The following DEF6 variants were observed in gnomAD, a reference collection of about 807,000 sequenced individuals.
DEF6 encodes DEF6 guanine nucleotide exchange factor.
In DEF6, 32 loss-of-function variants were observed where a neutral mutation model predicts 80.5. The ratio of observed to expected loss-of-function variants is 0.40; its 90% CI spans 0.30 to 0.53. The LOEUF (loss-of-function observed/expected upper bound fraction) is 0.53, where lower values mean the gene tolerates loss of function less well. Among genes scored for constraint, DEF6 ranks in the 20% least tolerant of loss-of-function variants. DEF6 has a pLI of 0.57. For synonymous variants in DEF6, 300 were observed against 337.9 expected (o/e 0.89, Z 1.23); for missense variants, 575 against 818.7 (o/e 0.70, Z 3.63).
intron 5 of DEF6, among the ~76,000 whole-genome samples, chr6:35,314,639 T>C (rs1167941291): frequency 1.3e-5 from 2 of 152,210 alleles, no homozygotes; most frequent in African/African-American, 4.8e-5. Context: ...ACAGAGTTGT[T>C]TGAGCTCCTT....
At position 35,319,345 on chromosome 6, in the gene DEF6, C is replaced by G. The variant is rs1791559571; in HGVS notation, c.1216-179C>G. On this transcript the variant is annotated intron_variant, in intron 7 of 10. Transcript: ENST00000316637. This position sits in a 1 kb window ranked among gnomAD's most constrained non-coding sequence, Gnocchi z 4.5. ...TTTCCCCCACGTGGCATCTGTTCAC[C>G]GACCATTATCTGTTCCAGTCAGGCT... Among the ~76,000 whole-genome samples, 1 of 151,892 alleles carries G rather than the reference C, an allele frequency of 6.6e-6. No individual in the cohort carries two copies. Among genetic ancestry groups the G allele is most frequent in the African/African-American group, 2.4e-5 (1 of 41,300 alleles).
rs1791572927 is a variant in DEF6, at chr6:35,320,107, T to C, written c.1581+90T>C. The C allele has an allele frequency of 3.0e-6, 4 of 1,324,462 alleles. No homozygotes were observed. In the South Asian group the frequency reaches 5.4e-5, roughly 18 times the overall value. The allele number at this position is 1,324,462 out of a possible 1,614,324, so 82.0% of individuals were successfully genotyped here. A position where few individuals can be genotyped will look rare whatever the true frequency, so the allele number is the denominator to read the frequency against. On this transcript the variant is annotated intron_variant, in intron 9 of 10. Coordinates refer to ENST00000316637, the MANE Select transcript of DEF6 (RefSeq NM_022047.4). Reference sequence around the variant, plus strand: ...AGCCAGGCTGCCTTCCCTCAAACCCTGGCCCTAGCAGCTGCTGGCTGTGTG... The same window carrying C: ...AGCCAGGCTGCCTTCCCTCAAACCCCGGCCCTAGCAGCTGCTGGCTGTGTG...
chr6:35,310,574 C>G lies in DEF6; in HGVS notation c.353C>G (p.Ala118Gly), dbSNP rs1562148567. ...NGNSMLSNQD[A>G]FRLWCLFNFL... ...AACAGTATGCTCTCCAATCAGGATG[C>G]CTTCCGCCTCTGGTGCCTCTTCAAC... The change falls in exon 3 of 11, where the codon GCC (alanine) becomes GGC (glycine). Residue 118 changes from alanine to glycine, a missense_variant. Physicochemically the swap from Ala to Gly is moderately conservative, Grantham distance 60. Coordinates refer to ENST00000316637, the MANE Select transcript of DEF6 (RefSeq NM_022047.4). The G allele has an allele frequency of 6.2e-7, 1 of 1,614,140 alleles. No individual in the cohort carries two copies. The highest frequency in any genetic ancestry group is 1.3e-5 in the African/African-American group (1 of 75,028).
intron 1 of DEF6, among the ~76,000 whole-genome samples, chr6:35,298,537 C>T (rs910994426): frequency 6.6e-6 from 1 of 152,190 alleles, no homozygotes; most frequent in African/African-American, 2.4e-5. Context: ...ATCCACCACA[C>T]ATATCAGGTT....
Position 35,312,857 on chromosome 6 carries a change from G to T in DEF6, c.807+85G>T. 2 of 1,455,300 alleles carry T rather than the reference G, an allele frequency of 1.4e-6. No individual in the cohort carries two copies. Among genetic ancestry groups the T allele is most frequent in the Non-Finnish European group, 1.9e-6 (2 of 1,073,406 alleles). 90.1% of individuals were successfully genotyped at this position (1,455,300 alleles called of 1,614,324 possible). A position where few individuals can be genotyped will look rare whatever the true frequency, so the allele number is the denominator to read the frequency against. On this transcript the variant is annotated intron_variant, in intron 5 of 10. Coordinates refer to ENST00000316637, the MANE Select transcript of DEF6 (RefSeq NM_022047.4). The surrounding 1 kb of genome is among the most constrained non-coding windows in gnomAD (Gnocchi z 6.6). ...AGAAGACAAGGGGGTCAGGAGAGGG[G>T]CAAATGGAGAAAAGCCACAGTGACA...
intron 1 of DEF6, among the ~76,000 whole-genome samples, chr6:35,302,990 TCA>T (rs1249161731): frequency 6.6e-6 from 1 of 152,084 alleles, no homozygotes; most frequent in East Asian, 1.9e-4. Flanking sequence ...GAGCTCCTGC[TCA>T]CAACTCCTCT....
intron 1 of DEF6, among the ~76,000 whole-genome samples, chr6:35,302,484 C>G (rs1791327364): frequency 6.6e-6 from 1 of 152,150 alleles, no homozygotes; most frequent in African/African-American, 2.4e-5. Context: ...TGACTGTTGC[C>G]AACATGGACC....
chr6:35,321,156 T>C (rs1174331731), intron 10 of DEF6, 31 bp from the exon 11 acceptor site: 1 of 1,607,328 alleles, frequency 6.2e-7, no homozygotes, highest in East Asian at 2.2e-5. Context: ...TGCATGCCTT[T>C]CTCCTTACTT....
At chr6:35,298,225 T>C (rs1256000516) in intron 1 of DEF6, among the ~76,000 whole-genome samples, 1 of 152,138 alleles carries the variant, frequency 6.6e-6, no homozygotes, top group Non-Finnish European at 1.5e-5. Context: ...AGGGCCATTA[T>C]GGGGTTCTGA....
At chr6:35,309,857 C>T in intron 2 of DEF6, 47 bp downstream of exon 2, 2 of 1,603,500 alleles carry the variant, frequency 1.2e-6, no homozygotes, top group Non-Finnish European at 1.7e-6. Flanking sequence ...CCCCACTTTT[C>T]CAGCCTGGCC....
chr6:35,319,156 G>A lies in DEF6; in HGVS notation c.1216-368G>A. Reference sequence around the variant, plus strand: ...TATAGTCACATCCTTCCTAGCATCAGCCATGATTATAACATATTATTATAT... The same window carrying A: ...TATAGTCACATCCTTCCTAGCATCAACCATGATTATAACATATTATTATAT... On this transcript the variant is annotated intron_variant, in intron 7 of 10. Coordinates refer to ENST00000316637, the MANE Select transcript of DEF6 (RefSeq NM_022047.4). This position sits in a 1 kb window ranked among gnomAD's most constrained non-coding sequence, Gnocchi z 4.5. 6.6e-6 allele frequency among the ~76,000 whole-genome samples: 1 copy of A among 151,830 alleles called. No individual in the cohort carries two copies. The highest frequency in any genetic ancestry group is 1.5e-5 in the Non-Finnish European group (1 of 67,990).
intron 3 of DEF6, 141 bp downstream of exon 3, chr6:35,310,785 AC>A: frequency 1.1e-6 from 1 of 917,108 alleles, no homozygotes; most frequent in Non-Finnish European, 1.6e-6. Context: ...ATCTGTCCTC[AC>A]CCAGCTGTCT....
At position 35,319,443 on chromosome 6, in the gene DEF6, C is replaced by A; in HGVS notation, c.1216-81C>A. On this transcript the variant is annotated intron_variant, in intron 7 of 10. Coordinates refer to ENST00000316637, the MANE Select transcript of DEF6 (RefSeq NM_022047.4). The surrounding 1 kb of genome is among the most constrained non-coding windows in gnomAD (Gnocchi z 4.5). ...AGACCCTCACCCCTAGGCAGCTTAG[C>A]AACATGCCCACCCCCTCCTCCTCCG... 1 of 1,085,208 alleles carries A rather than the reference C, an allele frequency of 9.2e-7. No individual in the cohort carries two copies. The highest frequency in any genetic ancestry group is 1.3e-6 in the Non-Finnish European group (1 of 744,382). The allele number at this position is 1,085,208 out of a possible 1,614,324, so 67.2% of individuals were successfully genotyped here. A position where few individuals can be genotyped will look rare whatever the true frequency, so the allele number is the denominator to read the frequency against.
chr6:35,308,142 C>T (rs1791414899), intron 1 of DEF6, among the ~76,000 whole-genome samples: 1 of 152,160 alleles, frequency 6.6e-6, no homozygotes, highest in African/African-American at 2.4e-5. Context: ...CTGCCATTTA[C>T]TCTTAAAATT....
chr6:35,301,727 C>CTTCTTT, intron 1 of DEF6, among the ~76,000 whole-genome samples: 1 of 131,748 alleles, frequency 7.6e-6, no homozygotes, highest in East Asian at 2.2e-4. Context: ...GGAGCTGTGT[C>CTTCTTT]TTTTTTTTTT....
chr6:35,306,625 T>C (rs1791394202), intron 1 of DEF6, among the ~76,000 whole-genome samples: 1 of 152,252 alleles, frequency 6.6e-6, no homozygotes, highest in South Asian at 2.1e-4. Context: ...TTGAACCATA[T>C]GAAATTTCTG....
At chr6:35,313,394 T>G (rs1047059648) in intron 5 of DEF6, 1 of 373,082 alleles carries the variant, frequency 2.7e-6, no homozygotes, top group Non-Finnish European at 5.2e-6. Context: ...ATTTAATACA[T>G]TCATATATTT....
At chr6:35,308,788 C>T (rs569771990) in intron 1 of DEF6, among the ~76,000 whole-genome samples, 2 of 151,368 alleles carry the variant, frequency 1.3e-5, no homozygotes, top group South Asian at 4.2e-4. Flanking sequence ...AATAAACCAC[C>T]TCCTACAGTG....
chr6:35,318,371 G>C lies in DEF6; in HGVS notation c.1115G>C (p.Arg372Pro). 1 of 1,538,974 alleles carries C rather than the reference G, an allele frequency of 6.5e-7. No individual in the cohort carries two copies. The highest frequency in any genetic ancestry group is 8.7e-7 in the Non-Finnish European group (1 of 1,145,678). ...QELELLQEAQ[R>P]QAERLLQEEE... ...CTGGAGCTGCTGCAGGAGGCGCAGC[G>C]GCAGGCCGAGCGGCTGCTGCAGGAG... is the stretch of plus-strand genomic sequence containing the variant. Residue 372 changes from arginine to proline, a missense_variant, in exon 7 of 11, where the codon CGG becomes CCG. Arg to Pro is a moderately radical substitution (Grantham distance 103). Transcript: ENST00000316637. This position sits in a 1 kb window ranked among gnomAD's most constrained non-coding sequence, Gnocchi z 5.1.
Sources: allele counts gnomAD v4.1 joint callset (sites outside exome capture counted in the v4.1 genomes callset), GRCh38; gene constraint gnomAD v4.1.1; non-coding constraint Gnocchi (gnomAD v3.1); transcripts MANE v1.5; gene names NCBI Gene and HGNC (gene_info 2026-07-23, HGNC 2026-07-21).